Variants in RBM47 observed in about 807,000 individuals in gnomAD.
RBM47 encodes the protein RNA binding motif protein 47, also known as RNA-binding protein 47.
RBM47 carries 21 observed loss-of-function variants against 47.1 expected under a neutral mutation model. That is an observed-to-expected ratio of 0.45 (90% confidence interval 0.32 to 0.64). The LOEUF is 0.64. RBM47 is among the 30% of genes least tolerant of loss of function. The pLI is 0.05. For synonymous variants in RBM47, 375 were observed against 361.7 expected, an observed-to-expected ratio of 1.04 and a Z score of -0.42; for missense variants, 708 against 870.9, an observed-to-expected ratio of 0.81 and a Z score of 2.35.
At chr4:40,550,991 C>G (rs1729510054) in intron 1 of RBM47, among the ~76,000 whole-genome samples, 1 of 151,662 alleles carries the variant, frequency 6.6e-6, no homozygotes, top group South Asian at 2.1e-4. Flanking sequence ...AACTAACAAA[C>G]AGCACTTTTT....
At position 40,595,472 on chromosome 4, in the gene RBM47, C is replaced by A. The variant is rs187624202; in HGVS notation, c.-240+33924G>T. Among the ~76,000 whole-genome samples the A allele has an allele frequency of 2.4e-3, 362 of 151,264 alleles. 2 individuals are homozygous for A. Among genetic ancestry groups the A allele is most frequent in the African/African-American group, 8.1e-3 (333 of 41,152 alleles). Reference sequence around the variant, plus strand: ...TTGCACCACTGCATTCCAGCCTGGGCGACAGAGCAAGACTATCTCAAAAAA... The same window carrying A: ...TTGCACCACTGCATTCCAGCCTGGGAGACAGAGCAAGACTATCTCAAAAAA... On this transcript the variant is annotated intron_variant, in intron 1 of 6. Coordinates refer to ENST00000295971, the MANE Select transcript of RBM47 (RefSeq NM_001098634.2).
chr4:40,606,594 G>T (rs1735779739), intron 1 of RBM47, among the ~76,000 whole-genome samples: 1 of 152,168 alleles, frequency 6.6e-6, no homozygotes, highest in African/African-American at 2.4e-5. Context: ...GTGGTTGAGA[G>T]ATGAACTCTG....
chr4:40,469,230 C>T (rs545826219), intron 2 of RBM47, among the ~76,000 whole-genome samples: 1 of 152,018 alleles, frequency 6.6e-6, no homozygotes, highest in Non-Finnish European at 1.5e-5. Flanking sequence ...GAATTGAAAG[C>T]AAATTATTAA....
intron 2 of RBM47, among the ~76,000 whole-genome samples, chr4:40,525,495 C>A (rs909174490): frequency 1.3e-5 from 2 of 152,114 alleles, no homozygotes; most frequent in African/African-American, 4.8e-5. Flanking sequence ...AAAACATTCA[C>A]CTTTCAAACA....
intron 1 of RBM47, among the ~76,000 whole-genome samples, chr4:40,581,434 T>TA (rs1553904669): frequency 7.2e-6 from 1 of 139,042 alleles, no homozygotes; most frequent in East Asian, 2.1e-4. Context: ...AAAAAAGTAA[T>TA]AATAAATAAA....
At chr4:40,581,430 G>GTAA (rs1484294054) in intron 1 of RBM47, among the ~76,000 whole-genome samples, 1 of 54,708 alleles carries the variant, frequency 1.8e-5, no homozygotes, top group Non-Finnish European at 4.0e-5. Context: ...CAAAAAAAAA[G>GTAA]TAATAATAAA....
intron 1 of RBM47, among the ~76,000 whole-genome samples, chr4:40,560,974 A>G (rs1238636004): frequency 6.6e-6 from 1 of 152,020 alleles, no homozygotes. Flanking sequence ...GGAAAAAAAA[A>G]AAAAAAAGTT....
At position 40,575,042 on chromosome 4, in the gene RBM47, G is replaced by A. The variant is rs962238382; in HGVS notation, c.-239-30536C>T. Among the ~76,000 whole-genome samples the A allele has an allele frequency of 4.6e-5, 7 of 152,086 alleles. No homozygotes were observed. In the South Asian group the frequency reaches 6.2e-4, roughly 14 times the overall value. On this transcript the variant is annotated intron_variant, in intron 1 of 6. Transcript: ENST00000295971. ...GGTCCCCAAGAAGTTATCTGGCAACGCATGAAGACATTTTTGGTGGTGGGT... is the reference window on the plus strand; with the variant it reads ...GGTCCCCAAGAAGTTATCTGGCAACACATGAAGACATTTTTGGTGGTGGGT...
At chr4:40,446,448 G>C (rs1714535569) in intron 3 of RBM47, among the ~76,000 whole-genome samples, 1 of 152,096 alleles carries the variant, frequency 6.6e-6, no homozygotes, top group African/African-American at 2.4e-5. Context: ...CAAGAAAACT[G>C]AACTTAAGGC....
At chr4:40,510,888 A>G (rs1049584232) in intron 2 of RBM47, among the ~76,000 whole-genome samples, 1 of 152,204 alleles carries the variant, frequency 6.6e-6, no homozygotes, top group Non-Finnish European at 1.5e-5. Context: ...ACTGGCCAAC[A>G]TGAAACCCTG....
At chr4:40,517,494 C>T (rs1419229309) in intron 2 of RBM47, among the ~76,000 whole-genome samples, 1 of 152,116 alleles carries the variant, frequency 6.6e-6, no homozygotes, top group Non-Finnish European at 1.5e-5. Context: ...GCATGGAGTC[C>T]AATGCCTTAC....
chr4:40,565,265 C>T lies in RBM47; in HGVS notation c.-239-20759G>A, dbSNP rs543441271. ...ATGTTAAGCAGTACTCAGCATGACA[C>T]TTGATACTACACAGCAGTGTGGTTA... On this transcript the variant is annotated intron_variant, in intron 1 of 6. Coordinates refer to ENST00000295971, the MANE Select transcript of RBM47 (RefSeq NM_001098634.2). 2.0e-5 allele frequency among the ~76,000 whole-genome samples: 3 copies of T among 152,344 alleles called. No homozygotes were observed. In the South Asian group the frequency reaches 6.2e-4, roughly 32 times the overall value.
chr4:40,434,687 A>G (rs11729899), intron 5 of RBM47, among the ~76,000 whole-genome samples: 56,365 of 138,148 alleles, frequency 0.41, 13,380 homozygotes, highest in South Asian at 0.63. Context: ...CAGAAATTGC[A>G]GAATTTTTAC....
At chr4:40,549,384 G>T (rs575907043) in intron 1 of RBM47, among the ~76,000 whole-genome samples, 3 of 152,222 alleles carry the variant, frequency 2.0e-5, no homozygotes, top group African/African-American at 7.2e-5. Context: ...GAGCCACCAC[G>T]CCCAGCCAGT....
intron 1 of RBM47, among the ~76,000 whole-genome samples, chr4:40,619,275 A>G (rs1737039064): frequency 6.6e-6 from 1 of 152,160 alleles, no homozygotes; most frequent in Non-Finnish European, 1.5e-5. Context: ...CAAAAAAATC[A>G]AAGAATTAGC....
rs913865177 is a variant in RBM47, at chr4:40,436,632, C to T, written c.1139G>A (p.Gly380Asp). 1 of 1,613,896 alleles carries T rather than the reference C, an allele frequency of 6.2e-7. No homozygotes were observed. Among genetic ancestry groups the T allele is most frequent in the African/African-American group, 1.3e-5 (1 of 74,914 alleles). ...GTTGCCAGCTGCACCTCGCCCTCGG[C>T]CTCTTATGCTGCCTGCTTGTAATAA... ...DYFVKAGSIR[G>D]RGRGAAGNRA... is the part of the protein sequence containing the mutation. The change falls in exon 5 of 7, where the codon GGC (glycine) becomes GAC (aspartate). Residue 380 changes from glycine (G) to aspartate (D), a missense_variant. Coordinates refer to ENST00000295971, the MANE Select transcript of RBM47 (RefSeq NM_001098634.2).
At chr4:40,437,090 A>AAAAAAAAAAAAATATAT (rs1256296949) in intron 4 of RBM47, among the ~76,000 whole-genome samples, 2 of 49,804 alleles carry the variant, frequency 4.0e-5, no homozygotes, top group African/African-American at 2.2e-4. Flanking sequence ...AAAAAAAAAA[A>AAAAAAAAAAAAATATAT]ATATATATAT....
chr4:40,446,388 T>A (rs1440946596), intron 3 of RBM47, among the ~76,000 whole-genome samples: 1 of 152,170 alleles, frequency 6.6e-6, no homozygotes, highest in Non-Finnish European at 1.5e-5. Context: ...ATGATTTGTG[T>A]AAAGTTCTTA....
chr4:40,472,387 C>G (rs1303623679), intron 2 of RBM47, among the ~76,000 whole-genome samples: 7 of 151,842 alleles, frequency 4.6e-5, no homozygotes, highest in Non-Finnish European at 4.4e-5. Context: ...CCAGCCTGAC[C>G]AACATGGTGA....
Sources: gnomAD v4.1 joint callset for allele counts (sites outside exome capture counted in the v4.1 genomes callset) on GRCh38, gnomAD v4.1.1 for gene constraint, MANE v1.5 for transcripts, NCBI Gene and HGNC (gene_info 2026-07-23, HGNC 2026-07-21) for gene names.